Variants in SLC35F4 observed in about 807,000 individuals in gnomAD.
The protein encoded by SLC35F4 is chromosome 14 open reading frame 36.
Under a neutral mutation model 44.2 loss-of-function variants are expected in SLC35F4, and 24 were observed. That is an observed-to-expected ratio of 0.54 (90% CI 0.39 to 0.76). The LOEUF (loss-of-function observed/expected upper bound fraction) is 0.76. SLC35F4 is among the 30% of genes least tolerant of loss of function. The probability of loss-of-function intolerance (pLI) is 0.00; values close to 1 mark genes in which losing one functional copy is unlikely to be tolerated. For missense variants in SLC35F4, 562 were observed against 586.1 expected (o/e 0.96, Z 0.42); for synonymous variants, 238 against 223.6 (o/e 1.06, Z -0.57).
chr14:57,950,675 C>CTTTTTTTTTTTTTTTTTTTTTTTTT (rs59027196), intron 1 of SLC35F4, among the ~76,000 whole-genome samples: 1 of 127,210 alleles, frequency 7.9e-6, no homozygotes, highest in Non-Finnish European at 1.6e-5. Flanking sequence ...TTCTTTCTTT[C>CTTTTTTTTTTTTTTTTTTTTTTTTT]TTTTTTTTTT....
chr14:57,853,557 T>C (rs540633802), intron 1 of SLC35F4, among the ~76,000 whole-genome samples: 1 of 152,176 alleles, frequency 6.6e-6, no homozygotes, highest in East Asian at 1.9e-4. Flanking sequence ...AGAGTGTGCA[T>C]GTGATATAAA....
At chr14:57,948,176 C>G (rs1890069305) in intron 1 of SLC35F4, among the ~76,000 whole-genome samples, 1 of 151,880 alleles carries the variant, frequency 6.6e-6, no homozygotes, top group Admixed American at 6.6e-5. Context: ...GGACTTTTTT[C>G]TGTTGGCAAT....
intron 1 of SLC35F4, among the ~76,000 whole-genome samples, chr14:57,814,377 G>GA (rs1882331995): frequency 6.6e-6 from 1 of 152,208 alleles, no homozygotes; most frequent in Non-Finnish European, 1.5e-5. Context: ...AAAACTGGCA[G>GA]AGACAAACCC....
At chr14:57,960,527 A>G (rs1186898667) in intron 1 of SLC35F4, among the ~76,000 whole-genome samples, 1 of 152,226 alleles carries the variant, frequency 6.6e-6, no homozygotes, top group Non-Finnish European at 1.5e-5. Context: ...TAGGAGAAGG[A>G]TGATACTTAA....
At chr14:57,946,219 T>G (rs537293583) in intron 1 of SLC35F4, among the ~76,000 whole-genome samples, 14 of 152,076 alleles carry the variant, frequency 9.2e-5, no homozygotes, top group Non-Finnish European at 1.6e-4. Context: ...TCTAAAAGAG[T>G]TTTTTCCAAT....
chr14:57,572,383 T>C (rs1414412100), intron 4 of SLC35F4, among the ~76,000 whole-genome samples: 4 of 152,204 alleles, frequency 2.6e-5, no homozygotes, highest in Non-Finnish European at 5.9e-5. Context: ...TCATCTCTTC[T>C]GTATTTCATC....
intron 1 of SLC35F4, among the ~76,000 whole-genome samples, chr14:57,880,094 AAGGAAGGAAG>A (rs1566920056): frequency 8.5e-6 from 1 of 117,480 alleles, no homozygotes; most frequent in Non-Finnish European, 1.8e-5. Context: ...GGAAGGAAGG[AAGGAAGGAAG>A]GAAGGACAGT....
chr14:57,931,641 C>T (rs1313235814), intron 1 of SLC35F4, among the ~76,000 whole-genome samples: 2 of 152,206 alleles, frequency 1.3e-5, no homozygotes, highest in African/African-American at 4.8e-5. Flanking sequence ...TCCCATCCTC[C>T]CCTTTGAACA....
At chr14:57,956,413 T>A (rs1017718092) in intron 1 of SLC35F4, among the ~76,000 whole-genome samples, 3 of 152,094 alleles carry the variant, frequency 2.0e-5, no homozygotes, top group African/African-American at 7.2e-5. Context: ...CCAAAAGCAA[T>A]GGCAACAAAA....
At chr14:57,643,763 C>T (rs1353228014) in intron 1 of SLC35F4, among the ~76,000 whole-genome samples, 1 of 152,122 alleles carries the variant, frequency 6.6e-6, no homozygotes, top group African/African-American at 2.4e-5. Context: ...ACTATCCCTC[C>T]CCCCTTCCCC....
At chr14:57,618,324 C>T (rs1000544029) in intron 1 of SLC35F4, among the ~76,000 whole-genome samples, 1 of 152,182 alleles carries the variant, frequency 6.6e-6, no homozygotes, top group African/African-American at 2.4e-5. Flanking sequence ...TCAGCATTTC[C>T]AACTGAGGTA....
intron 1 of SLC35F4, among the ~76,000 whole-genome samples, chr14:57,721,757 CCT>C (rs1470406489): frequency 6.6e-6 from 1 of 152,140 alleles, no homozygotes; most frequent in East Asian, 1.9e-4. Flanking sequence ...CTCTGATGAA[CCT>C]TTTTTGCCAG....
chr14:57,935,256 T>A (rs1889775843), intron 1 of SLC35F4, among the ~76,000 whole-genome samples: 1 of 152,168 alleles, frequency 6.6e-6, no homozygotes, highest in Non-Finnish European at 1.5e-5. Flanking sequence ...AAATCCCAAG[T>A]CTATAGATTT....
intron 1 of SLC35F4, among the ~76,000 whole-genome samples, chr14:57,599,486 T>C (rs1319097696): frequency 6.6e-6 from 1 of 152,120 alleles, no homozygotes; most frequent in Non-Finnish European, 1.5e-5. Context: ...TAGGGCAGTA[T>C]TCAGGTTTAA....
At chr14:57,571,023 A>T (rs978137421) in intron 5 of SLC35F4, among the ~76,000 whole-genome samples, 1 of 152,204 alleles carries the variant, frequency 6.6e-6, no homozygotes, top group South Asian at 2.1e-4. Context: ...CAATATGGAA[A>T]TAGACTTCAT....
chr14:57,634,017 A>G (rs1406044545), intron 1 of SLC35F4, among the ~76,000 whole-genome samples: 1 of 152,070 alleles, frequency 6.6e-6, no homozygotes, highest in Non-Finnish European at 1.5e-5. Flanking sequence ...AAGTAGAGGA[A>G]GGTAGTGCTT....
chr14:57,594,039 T>G lies in SLC35F4; in HGVS notation c.189A>C (p.Pro63=). The change falls in exon 2 of 8, where the codon CCA becomes CCC. Residue 63 remains proline (P), a synonymous_variant. Coordinates refer to ENST00000556826, the MANE Select transcript of SLC35F4 (RefSeq NM_001306087.2). The part of the protein sequence containing the change: ...SHSGISRQLS[P]LSVTEDSSAP... ...CAGAGGAATCTTCGGTGACAGACAG[T>G]GGGGACAGTTGTCTACTGATGCCAC... 1 of 1,613,884 alleles carries G rather than the reference T, an allele frequency of 6.2e-7. No individual in the cohort carries two copies. The highest frequency in any genetic ancestry group is 1.3e-5 in the African/African-American group (1 of 75,024).
In SLC35F4 at chr14:57,566,661, C is replaced by A. The variant is rs1365706718; in HGVS notation, c.1127-97G>T. The A allele has an allele frequency of 7.5e-6, 9 of 1,195,510 alleles. No individual in the cohort carries two copies. In the South Asian group the frequency reaches 9.4e-5, roughly 12 times the overall value. 74.1% of individuals were successfully genotyped at this position (1,195,510 alleles called of 1,614,324 possible). ...TGAATCAATGTCTTTGCTACATGTGCCTTTTAAACTGTCTATACCTTTGAT... is the reference window on the plus strand; with the variant it reads ...TGAATCAATGTCTTTGCTACATGTGACTTTTAAACTGTCTATACCTTTGAT... On this transcript the variant is annotated intron_variant, in intron 6 of 7. Coordinates refer to ENST00000556826, the MANE Select transcript of SLC35F4 (RefSeq NM_001306087.2).
intron 1 of SLC35F4, among the ~76,000 whole-genome samples, chr14:57,981,547 A>G (rs1391125305): frequency 3.9e-5 from 6 of 152,210 alleles, no homozygotes; most frequent in Non-Finnish European, 8.8e-5. Flanking sequence ...TCTCAAAATA[A>G]TGAAGTGGGA....
Sources: allele counts gnomAD v4.1 joint callset (sites outside exome capture counted in the v4.1 genomes callset), GRCh38; gene constraint gnomAD v4.1.1; transcripts MANE v1.5; gene names NCBI Gene and HGNC (gene_info 2026-07-23, HGNC 2026-07-21).